SNRPN: variants seen among roughly 807,000 people sequenced by gnomAD.
SNRPN encodes the protein small nuclear ribonucleoprotein polypeptide N.
SNRPN carries 7 observed loss-of-function variants against 25.2 expected under a neutral mutation model. The observed-to-expected ratio is 0.28, with a 90% CI of 0.16 to 0.52. The LOEUF is 0.52. Ranked by LOEUF, SNRPN falls within the 20% of genes least tolerant of loss-of-function variation. SNRPN has a pLI of 0.96. For missense variants in SNRPN, 196 were observed against 322.5 expected (o/e 0.61, Z 3.00); for synonymous variants, 124 against 110.6 (o/e 1.12, Z -0.76).
At chr15:24,832,234 T>G (rs1025051400) in intron 2 of SNRPN, among the ~76,000 whole-genome samples, 5 of 151,872 alleles carry the variant, frequency 3.3e-5, no homozygotes, top group African/African-American at 1.2e-4. Flanking sequence ...TTTGCAATTG[T>G]CTATGTATGT....
intron 2 of SNRPN, among the ~76,000 whole-genome samples, chr15:24,891,677 A>G (rs1595735400): frequency 6.6e-6 from 1 of 152,282 alleles, no homozygotes; most frequent in South Asian, 2.1e-4. Flanking sequence ...ACCTCAGGTT[A>G]TCCACCCTCC....
At chr15:24,935,890 G>A (rs896997119) in intron 3 of SNRPN, among the ~76,000 whole-genome samples, 2 of 152,106 alleles carry the variant, frequency 1.3e-5, no homozygotes, top group South Asian at 2.1e-4. Flanking sequence ...AGGCCAAGGT[G>A]GGTGGATCAC....
At chr15:24,968,284 T>C (rs1957684480) in intron 3 of SNRPN, 4 of 435,188 alleles carry the variant, frequency 9.2e-6, no homozygotes, top group Non-Finnish European at 1.7e-5. Context: ...ATTCCAGTTA[T>C]TGTAGCGCAT....
intron 1 of SNRPN, among the ~76,000 whole-genome samples, chr15:24,956,713 G>C (rs2062977968): frequency 6.6e-6 from 1 of 152,202 alleles, no homozygotes; most frequent in East Asian, 1.9e-4. Flanking sequence ...GGGGAGGAGG[G>C]AGATGGGTTG....
chr15:24,917,803 A>G (rs1204267422), intron 2 of SNRPN, among the ~76,000 whole-genome samples: 1 of 152,246 alleles, frequency 6.6e-6, no homozygotes, highest in Admixed American at 6.5e-5. Context: ...AAAACCATAA[A>G]TGTTCCTCTA....
rs763591584 is a variant in SNRPN at position 24,976,459 on chromosome 15, A to G, written c.267+43A>G. ...CAGGACAGAACTTTAATTTGCAGGG[A>G]CATCATATTATGTGAGATGTCTGAA... On this transcript the variant is annotated intron_variant, in intron 6 of 9. Transcript: ENST00000390687. The G allele has an allele frequency of 2.1e-5, 27 of 1,279,992 alleles. No individual in the cohort carries two copies. The Middle Eastern group carries it at 1.7e-3, about 79-fold the overall frequency. 79.3% of individuals were successfully genotyped at this position (1,279,992 alleles called of 1,614,324 possible).
intron 8 of SNRPN, 78 bp downstream of exon 8, chr15:24,977,994 A>G (rs2077260654): frequency 1.4e-5 from 19 of 1,392,066 alleles, no homozygotes; most frequent in Non-Finnish European, 1.8e-5. Flanking sequence ...ACAGCCTGAG[A>G]GCCTAAGAAT....
At chr15:24,913,261 C>T (rs1041361556) in intron 2 of SNRPN, among the ~76,000 whole-genome samples, 11 of 152,086 alleles carry the variant, frequency 7.2e-5, no homozygotes, top group African/African-American at 2.7e-4. Context: ...TTTCTAATAG[C>T]AGTACAACGG....
chr15:24,973,408 A>G (rs1465706210), intron 3 of SNRPN, among the ~76,000 whole-genome samples: 1 of 151,704 alleles, frequency 6.6e-6, no homozygotes, highest in Non-Finnish European at 1.5e-5. Flanking sequence ...TTATTTTGAG[A>G]TGAAGTTTTG....
At position 24,918,487 on chromosome 15, in the gene SNRPN, T is replaced by TATATATGTGTATATATATAAC. The variant is rs1566908985; in HGVS notation, c.-504-1514_-504-1513insATATATATAACATATATGTGT. ...ATATATGTGTATATATATAACATAA[T>TATATATGTGTATATATATAAC]ATATATGTGTGTATATATAACATAA... is the stretch of plus-strand genomic sequence containing the variant. On this transcript the variant is annotated intron_variant, in intron 2 of 11. Transcript: ENST00000400097. 3.7e-3 allele frequency among the ~76,000 whole-genome samples: 460 copies of TATATATGTGTATATATATAAC among 125,104 alleles called. 4 individuals carry two copies. The highest frequency in any genetic ancestry group is 5.7e-3 in the Non-Finnish European group (333 of 58,818). The allele number at this position is 125,104 out of a possible 152,430, so 82.1% of individuals were successfully genotyped here.
intron 1 of SNRPN, among the ~76,000 whole-genome samples, chr15:24,860,757 C>T (rs1015354882): frequency 1.3e-5 from 2 of 152,130 alleles, no homozygotes; most frequent in Non-Finnish European, 2.9e-5. Flanking sequence ...AGATTGGACA[C>T]TCAAAGTATA....
Position 24,835,057 on chromosome 15 carries a change from T to TATATATAGTATATATATCTATATATAAA in SNRPN, c.-579+5155_-579+5156insTATAGTATATATATCTATATATAAAATA, listed in dbSNP as rs1566807404. Among the ~76,000 whole-genome samples, 3 of 25,858 alleles carry TATATATAGTATATATATCTATATATAAA rather than the reference T, an allele frequency of 1.2e-4. 1 individual carries two copies. The highest frequency in any genetic ancestry group is 5.5e-4 in the African/African-American group (3 of 5,494). 17.0% of individuals were successfully genotyped at this position (25,858 alleles called of 152,430 possible). A position where few individuals can be genotyped will look rare whatever the true frequency, so the allele number is the denominator to read the frequency against. On this transcript the variant is annotated intron_variant, in intron 2 of 12. Coordinates refer to the SNRPN transcript ENST00000400100. ...TAGTATATATATCTATATATAAAAA[T>TATATATAGTATATATATCTATATATAAA]ATAGATATATAGTATATATATCTAT...
At chr15:24,857,019 A>G (rs771334905) in intron 1 of SNRPN, among the ~76,000 whole-genome samples, 5 of 152,192 alleles carry the variant, frequency 3.3e-5, no homozygotes, top group African/African-American at 4.8e-5. Context: ...GAAATTTCCT[A>G]TGAAACATCT....
intron 2 of SNRPN, among the ~76,000 whole-genome samples, chr15:24,916,621 T>C (rs185602786): frequency 1.3e-5 from 2 of 152,314 alleles, no homozygotes; most frequent in East Asian, 3.9e-4. Flanking sequence ...TACATATGCT[T>C]CATAGTATAT....
In SNRPN at chr15:24,833,766, G is replaced by C. The variant is rs4028396; in HGVS notation, c.-579+3861G>C. ...GCAGAGCTACGCAGGAAGAGAGGTT[G>C]TTGTTTAATGCAAATTAAGTCCTCC... On this transcript the variant is annotated intron_variant, in intron 2 of 12. Coordinates refer to the SNRPN transcript ENST00000400100. 9.0e-3 allele frequency among the ~76,000 whole-genome samples: 1,371 copies of C among 151,970 alleles called. 38 individuals carry two copies. Among genetic ancestry groups the C allele is most frequent in the African/African-American group, 0.031 (1,290 of 41,398 alleles).
chr15:24,855,490 T>G (rs2053300797), upstream of SNRPN, among the ~76,000 whole-genome samples: 1 of 152,058 alleles, frequency 6.6e-6, no homozygotes, highest in African/African-American at 2.4e-5. Context: ...AGGACCGGAT[T>G]AAGAAATGTT....
intron 3 of SNRPN, among the ~76,000 whole-genome samples, chr15:24,935,207 G>A (rs1252501640): frequency 6.6e-6 from 1 of 152,018 alleles, no homozygotes; most frequent in Non-Finnish European, 1.5e-5. Context: ...GGGAGGTTGA[G>A]GTTGCAGTGA....
At chr15:24,941,495 T>C (rs1451578671) in intron 3 of SNRPN, among the ~76,000 whole-genome samples, 4 of 152,182 alleles carry the variant, frequency 2.6e-5, no homozygotes, top group Non-Finnish European at 5.9e-5. Context: ...ACCCAAACCT[T>C]TGATTTCTGA....
In SNRPN at chr15:24,976,957, T is replaced by G; in HGVS notation, c.348T>G (p.Ala116=). 6.2e-7 allele frequency: 1 copy of G among 1,606,364 alleles called. No individual in the cohort carries two copies. The highest frequency in any genetic ancestry group is 8.5e-7 in the Non-Finnish European group (1 of 1,177,496). ...GGGCAGCTGGTAGAGGAGTACCAGC[T>G]GGTGTGCCAATTCCCCAGGCCCCTG... ...VGRAAGRGVP[A]GVPIPQAPAG... The change falls in exon 7 of 10, where the codon GCT becomes GCG. Residue 116 remains alanine, a synonymous_variant. Coordinates refer to ENST00000390687, the MANE Select transcript of SNRPN (RefSeq NM_003097.6).
Sources: gnomAD v4.1 joint callset for allele counts (sites outside exome capture counted in the v4.1 genomes callset) on GRCh38, gnomAD v4.1.1 for gene constraint, MANE v1.5 for transcripts, NCBI Gene and HGNC (gene_info 2026-07-23, HGNC 2026-07-21) for gene names.